RPRD1B: variants seen among roughly 807,000 people sequenced by gnomAD.
The protein encoded by RPRD1B is regulation of nuclear pre-mRNA domain containing 1B.
RPRD1B carries 11 observed loss-of-function variants against 41.5 expected under a neutral mutation model. The observed-to-expected ratio is 0.27, with a 90% CI of 0.17 to 0.44. RPRD1B has a LOEUF of 0.44. Ranked by LOEUF, RPRD1B falls within the 20% of genes least tolerant of loss-of-function variation. RPRD1B has a pLI of 1.00. For missense variants in RPRD1B, 248 were observed against 389.9 expected (o/e 0.64, Z 3.06); for synonymous variants, 158 against 155.6 (o/e 1.02, Z -0.12).
chr20:38,067,019 A>G (rs1309729666), intron 6 of RPRD1B, among the ~76,000 whole-genome samples: 3 of 152,142 alleles, frequency 2.0e-5, no homozygotes, highest in African/African-American at 7.2e-5. Flanking sequence ...TCCAAGATCT[A>G]TCTGTAATTA....
intron 5 of RPRD1B, 51 bp downstream of exon 5, chr20:38,059,571 A>G (rs1600411323): frequency 6.3e-7 from 1 of 1,591,684 alleles, no homozygotes; most frequent in Non-Finnish European, 8.6e-7. Flanking sequence ...ACATAACTGT[A>G]ATGCAGTAAC....
intron 2 of RPRD1B, among the ~76,000 whole-genome samples, chr20:38,041,808 A>T (rs531915527): frequency 4.0e-4 from 61 of 152,356 alleles, no homozygotes; most frequent in African/African-American, 1.4e-3. Context: ...TTGTGAGGGT[A>T]AAGACAGACA....
Position 38,047,362 on chromosome 20 carries a change from G to A in RPRD1B, c.282-986G>A, listed in dbSNP as rs1600396053. Among the ~76,000 whole-genome samples the A allele has an allele frequency of 2.0e-5, 3 of 152,260 alleles. No individual in the cohort carries two copies. The South Asian group carries it at 6.2e-4, about 32-fold the overall frequency. ...AAGTTCTCCTTGAGTTTATGAAAGC[G>A]TTGTCATGGTCGGGTGTGAATAGAG... On this transcript the variant is annotated intron_variant, in intron 2 of 6. Transcript: ENST00000373433.
At position 38,067,451 on chromosome 20, in the gene RPRD1B, C is replaced by T. The variant is rs1260872931; in HGVS notation, c.831+1195C>T. Among the ~76,000 whole-genome samples the T allele has an allele frequency of 3.3e-5, 5 of 152,232 alleles. No homozygotes were observed. The South Asian group carries it at 8.3e-4, about 25-fold the overall frequency. On this transcript the variant is annotated intron_variant, in intron 6 of 6. Coordinates refer to ENST00000373433, the MANE Select transcript of RPRD1B (RefSeq NM_021215.4). Reference sequence around the variant, plus strand: ...CAAGGGACAGGGAGAGCCATGTCACCTCCATGCTCAGGAAACGTGCTCTGG... The same window carrying T: ...CAAGGGACAGGGAGAGCCATGTCACTTCCATGCTCAGGAAACGTGCTCTGG...
intron 6 of RPRD1B, among the ~76,000 whole-genome samples, chr20:38,077,507 T>C (rs1160094582): frequency 6.6e-6 from 1 of 152,140 alleles, no homozygotes; most frequent in Admixed American, 6.5e-5. Flanking sequence ...CCAAATCTGT[T>C]GCTTTGGCCT....
At chr20:38,057,680 C>A in intron 4 of RPRD1B, 36 bp downstream of exon 4, 1 of 1,424,718 alleles carries the variant, frequency 7.0e-7, no homozygotes, top group Non-Finnish European at 9.9e-7. Flanking sequence ...GGAACAGTGG[C>A]TTAAAGTGAC....
intron 6 of RPRD1B, among the ~76,000 whole-genome samples, chr20:38,067,017 CTATCTGTAAT>C (rs1410486208): frequency 6.6e-6 from 1 of 152,154 alleles, no homozygotes; most frequent in Non-Finnish European, 1.5e-5. Flanking sequence ...CCTCCAAGAT[CTATCTGTAAT>C]TAGCTCTTAA....
intron 6 of RPRD1B, among the ~76,000 whole-genome samples, chr20:38,071,590 A>G (rs1041241458): frequency 1.4e-4 from 21 of 152,278 alleles, no homozygotes; most frequent in South Asian, 4.1e-4. Context: ...TGGTAATTCT[A>G]TGTAACATTT....
At chr20:38,053,844 ATAATC>A (rs1407684600) in intron 3 of RPRD1B, among the ~76,000 whole-genome samples, 1 of 152,220 alleles carries the variant, frequency 6.6e-6, no homozygotes, top group East Asian at 1.9e-4. Flanking sequence ...ATTAGGTACT[ATAATC>A]TAGACACAAA....
intron 3 of RPRD1B, among the ~76,000 whole-genome samples, chr20:38,049,240 G>T (rs1437968339): frequency 6.6e-6 from 1 of 151,402 alleles, no homozygotes; most frequent in African/African-American, 2.4e-5. Context: ...GAGTCACTGC[G>T]CCCAGCTTAA....
chr20:38,056,570 C>CT (rs1450630354), intron 3 of RPRD1B, among the ~76,000 whole-genome samples: 2 of 152,056 alleles, frequency 1.3e-5, no homozygotes, highest in Non-Finnish European at 2.9e-5. Flanking sequence ...CTGGTGTCCC[C>CT]TTTTTTCTAA....
chr20:38,075,024 A>G (rs147335174), intron 6 of RPRD1B, among the ~76,000 whole-genome samples: 2 of 152,330 alleles, frequency 1.3e-5, no homozygotes, highest in African/African-American at 2.4e-5. Flanking sequence ...TGGATAGTCA[A>G]TGATTATTTG....
chr20:38,040,319 C>T lies in RPRD1B; in HGVS notation c.152-116C>T, dbSNP rs1018067305. 2.5e-5 allele frequency: 17 copies of T among 691,650 alleles called. No individual in the cohort carries two copies. The African/African-American group carries it at 2.8e-4, about 11-fold the overall frequency. The allele number at this position is 691,650 out of a possible 1,614,324, so 42.8% of individuals were successfully genotyped here. A position where few individuals can be genotyped will look rare whatever the true frequency, so the allele number is the denominator to read the frequency against. On this transcript the variant is annotated intron_variant, in intron 1 of 6. Coordinates refer to ENST00000373433, the MANE Select transcript of RPRD1B (RefSeq NM_021215.4). ...GTCTTTTTAAACATATCTACTTGAC[C>T]CCCCAGGTAGATAATACTTGTCTTA...
At chr20:38,074,591 G>A (rs906537308) in intron 6 of RPRD1B, among the ~76,000 whole-genome samples, 3 of 152,158 alleles carry the variant, frequency 2.0e-5, no homozygotes, top group African/African-American at 7.2e-5. Context: ...ACCCCTGCTT[G>A]ATGGAACAGT....
intron 5 of RPRD1B, among the ~76,000 whole-genome samples, chr20:38,065,584 C>T (rs1218855951): frequency 1.3e-5 from 2 of 152,100 alleles, no homozygotes; most frequent in Non-Finnish European, 2.9e-5. Flanking sequence ...AGTTGTTATT[C>T]TGTATTTTTA....
At chr20:38,069,135 T>C (rs2074386800) in intron 6 of RPRD1B, among the ~76,000 whole-genome samples, 1 of 152,204 alleles carries the variant, frequency 6.6e-6, no homozygotes, top group South Asian at 2.1e-4. Context: ...GTATCTTGCT[T>C]TATGTAATAA....
intron 2 of RPRD1B, among the ~76,000 whole-genome samples, chr20:38,044,219 C>CTGA (rs1376506957): frequency 8.5e-5 from 13 of 152,124 alleles, no homozygotes; most frequent in Admixed American, 8.5e-4. Flanking sequence ...TCCACAAACA[C>CTGA]GCTTAATTCC....
chr20:38,090,800 CACTA>C lies in RPRD1B; in HGVS notation c.*928_*931del, dbSNP rs1054565688. On this transcript the variant is annotated 3_prime_UTR_variant, in exon 7 of 7. Coordinates refer to ENST00000373433, the MANE Select transcript of RPRD1B (RefSeq NM_021215.4). ...CCCTTTCTTCTGGGAGTAGGGTACA[CACTA>C]ACGTTTAATCCGCTGTCTGGGTGCA... 6.5e-5 allele frequency: 64 copies of C among 985,424 alleles called. No individual in the cohort carries two copies. Among genetic ancestry groups the C allele is most frequent in the African/African-American group, 6.4e-4 (37 of 57,368 alleles). 61.0% of individuals were successfully genotyped at this position (985,424 alleles called of 1,614,324 possible). A position where few individuals can be genotyped will look rare whatever the true frequency, so the allele number is the denominator to read the frequency against.
intron 3 of RPRD1B, among the ~76,000 whole-genome samples, chr20:38,056,058 T>G (rs890425185): frequency 6.6e-6 from 1 of 152,180 alleles, no homozygotes; most frequent in Non-Finnish European, 1.5e-5. Flanking sequence ...GATGTTCCTG[T>G]CTCCTTTTTT....
Sources: allele counts gnomAD v4.1 joint callset (sites outside exome capture counted in the v4.1 genomes callset), GRCh38; gene constraint gnomAD v4.1.1; transcripts MANE v1.5; gene names NCBI Gene and HGNC (gene_info 2026-07-23, HGNC 2026-07-21).